The following DNER variants were observed in gnomAD, a reference collection of about 807,000 sequenced individuals.
DNER encodes the protein delta and Notch-like epidermal growth factor-related receptor.
In DNER, 33 loss-of-function variants were observed where a neutral mutation model predicts 78.2. That is an observed-to-expected ratio of 0.42 (90% confidence interval 0.32 to 0.56). The LOEUF is 0.56. DNER is among the 20% of genes least tolerant of loss of function. The pLI is 0.11. For missense variants in DNER, 918 were observed against 975.3 expected (o/e 0.94, Z 0.78); for synonymous variants, 417 against 384.8 (o/e 1.08, Z -0.98).
intron 1 of DNER, among the ~76,000 whole-genome samples, chr2:229,595,879 C>T (rs948890977): frequency 6.6e-6 from 1 of 152,196 alleles, no homozygotes; most frequent in Non-Finnish European, 1.5e-5. Flanking sequence ...TCAATGTCAA[C>T]TCCTCTTTCT....
intron 9 of DNER, among the ~76,000 whole-genome samples, chr2:229,417,315 C>T (rs1005030436): frequency 9.2e-5 from 14 of 152,172 alleles, no homozygotes; most frequent in Admixed American, 5.2e-4. Flanking sequence ...TAGGAGCAAG[C>T]GGTTGAATGA....
intron 5 of DNER, among the ~76,000 whole-genome samples, chr2:229,545,335 G>A (rs2154213160): frequency 6.6e-6 from 1 of 152,288 alleles, no homozygotes; most frequent in Admixed American, 6.5e-5. Flanking sequence ...AACACTTTGG[G>A]AGGCTGAGGC....
At chr2:229,370,393 C>T (rs933943594) in intron 11 of DNER, among the ~76,000 whole-genome samples, 1 of 152,194 alleles carries the variant, frequency 6.6e-6, no homozygotes, top group African/African-American at 2.4e-5. Context: ...CCTGCCTGAG[C>T]TCATAAGGCC....
At chr2:229,537,854 C>G (rs1323442392) in intron 5 of DNER, among the ~76,000 whole-genome samples, 1 of 151,814 alleles carries the variant, frequency 6.6e-6, no homozygotes, top group East Asian at 1.9e-4. Context: ...TGGGCTGCAC[C>G]CACTAACTCG....
At chr2:229,364,918 T>G (rs1302922053) in intron 12 of DNER, among the ~76,000 whole-genome samples, 1 of 141,006 alleles carries the variant, frequency 7.1e-6, no homozygotes. Context: ...TGGTGTCATC[T>G]CAGCTCACTG....
At position 229,632,966 on chromosome 2, in the gene DNER, T is replaced by C. The variant is rs185115915; in HGVS notation, c.277-41078A>G. 7.9e-5 allele frequency among the ~76,000 whole-genome samples: 12 copies of C among 152,330 alleles called. No homozygotes were observed. The South Asian group carries it at 8.3e-4, about 11-fold the overall frequency. Reference sequence around the variant, plus strand: ...TACTAAATTAGCAAGAATAAATTAATGAATAATTATTATTGTATCAAATGT... The same window carrying C: ...TACTAAATTAGCAAGAATAAATTAACGAATAATTATTATTGTATCAAATGT... On this transcript the variant is annotated intron_variant, in intron 1 of 12. Coordinates refer to ENST00000341772, the MANE Select transcript of DNER (RefSeq NM_139072.4).
chr2:229,634,761 T>C (rs767378786), intron 1 of DNER, among the ~76,000 whole-genome samples: 1 of 152,156 alleles, frequency 6.6e-6, no homozygotes, highest in African/African-American at 2.4e-5. Flanking sequence ...GTCATCACCA[T>C]GGCAACCTGG....
intron 1 of DNER, among the ~76,000 whole-genome samples, chr2:229,609,503 G>A (rs941107341): frequency 3.9e-5 from 6 of 152,176 alleles, no homozygotes; most frequent in Admixed American, 2.0e-4. Context: ...ACACTCATTC[G>A]TTTTACATAT....
chr2:229,490,395 T>G (rs1368439724), intron 6 of DNER, among the ~76,000 whole-genome samples: 1 of 152,206 alleles, frequency 6.6e-6, no homozygotes, highest in East Asian at 1.9e-4. Context: ...GGAATATTAT[T>G]CAGGCATAAA....
intron 6 of DNER, among the ~76,000 whole-genome samples, chr2:229,497,996 G>GTCAATA (rs57517611): frequency 0.68 from 102,696 of 151,046 alleles, 35,500 homozygotes; most frequent in South Asian, 0.82. Flanking sequence ...AAAACTACAG[G>GTCAATA]TCCCTGATGA....
At chr2:229,501,781 T>C (rs1695628561) in intron 6 of DNER, among the ~76,000 whole-genome samples, 1 of 152,204 alleles carries the variant, frequency 6.6e-6, no homozygotes, top group Non-Finnish European at 1.5e-5. Context: ...TTATCTGGTG[T>C]TTCGGAGGTT....
At chr2:229,360,335 T>G (rs1218818026) in intron 12 of DNER, among the ~76,000 whole-genome samples, 1 of 152,168 alleles carries the variant, frequency 6.6e-6, no homozygotes, top group African/African-American at 2.4e-5. Context: ...GCCAACAAAT[T>G]ATATTAACTA....
At chr2:229,689,627 C>T (rs1699535962) in intron 1 of DNER, among the ~76,000 whole-genome samples, 1 of 152,152 alleles carries the variant, frequency 6.6e-6, no homozygotes, top group South Asian at 2.1e-4. Flanking sequence ...AAAGTGTATC[C>T]ACACACAGGC....
At chr2:229,424,104 T>G (rs540512047) in intron 8 of DNER, among the ~76,000 whole-genome samples, 1 of 152,304 alleles carries the variant, frequency 6.6e-6, no homozygotes, top group East Asian at 1.9e-4. Context: ...TTTAAAATGT[T>G]TCCATGGTGC....
At chr2:229,587,103 G>T in intron 3 of DNER, 1 of 562,976 alleles carries the variant, frequency 1.8e-6, no homozygotes, top group South Asian at 7.8e-5. Context: ...CATTTAACGA[G>T]ATAGAAGACC....
chr2:229,650,376 C>G (rs1363358487), intron 1 of DNER, among the ~76,000 whole-genome samples: 1 of 152,190 alleles, frequency 6.6e-6, no homozygotes, highest in Non-Finnish European at 1.5e-5. Flanking sequence ...CTGTACTCTA[C>G]ACTTTAAGGA....
chr2:229,471,968 G>A (rs956300102), intron 7 of DNER, among the ~76,000 whole-genome samples: 3 of 152,130 alleles, frequency 2.0e-5, no homozygotes, highest in African/African-American at 4.8e-5. Context: ...GCCAGAGAAC[G>A]ACACCAAATC....
intron 1 of DNER, among the ~76,000 whole-genome samples, chr2:229,662,890 CTG>C (rs1209327879): frequency 6.6e-6 from 1 of 152,230 alleles, no homozygotes; most frequent in Non-Finnish European, 1.5e-5. Flanking sequence ...AAATAAGAAA[CTG>C]TGCTGACAAC....
At chr2:229,388,677 G>C (rs111337737) in intron 10 of DNER, among the ~76,000 whole-genome samples, 4,347 of 134,036 alleles carry the variant, frequency 0.032, 135 homozygotes, top group African/African-American at 0.066. Context: ...TTCCTTTAGT[G>C]TACTTAACTA....
Sources: allele counts gnomAD v4.1 joint callset (sites outside exome capture counted in the v4.1 genomes callset), GRCh38; gene constraint gnomAD v4.1.1; transcripts MANE v1.5; gene names NCBI Gene and HGNC (gene_info 2026-07-23, HGNC 2026-07-21).